Variants in SOX5 observed in about 807,000 individuals in gnomAD.
The protein encoded by SOX5 is transcription factor SOX-5.
In SOX5, 9 loss-of-function variants were observed where a neutral mutation model predicts 92.0. The observed-to-expected ratio is 0.10, with a 90% CI of 0.06 to 0.17. SOX5 has a LOEUF of 0.17. Ranked by LOEUF, SOX5 falls within the 10% of genes least tolerant of loss-of-function variation. The pLI is 1.00. For synonymous variants in SOX5, 344 were observed against 336.3 expected (o/e 1.02, Z -0.25); for missense variants, 642 against 944.5 (o/e 0.68, Z 4.20).
intron 3 of SOX5, among the ~76,000 whole-genome samples, chr12:23,835,511 T>G (rs2096399581): frequency 6.6e-6 from 1 of 151,814 alleles, no homozygotes; most frequent in Non-Finnish European, 1.5e-5. Context: ...TTTTCTAAAA[T>G]GAGTTTTTTC....
At chr12:24,170,418 A>T (rs1431066335) in intron 4 of SOX5, among the ~76,000 whole-genome samples, 1 of 152,194 alleles carries the variant, frequency 6.6e-6, no homozygotes, top group Non-Finnish European at 1.5e-5. Context: ...AGACAGGAGT[A>T]AGGGCAGAAG....
intron 2 of SOX5, among the ~76,000 whole-genome samples, chr12:24,317,078 G>A (rs1214240603): frequency 6.6e-6 from 1 of 152,176 alleles, no homozygotes; most frequent in Non-Finnish European, 1.5e-5. Context: ...ATGTGTCATG[G>A]AGGAACTCTG....
intron 11 of SOX5, among the ~76,000 whole-genome samples, chr12:23,549,890 G>A (rs552062158): frequency 1.4e-4 from 22 of 152,044 alleles, no homozygotes; most frequent in African/African-American, 4.3e-4. Flanking sequence ...AAACAAGATC[G>A]AAGTGAATTG....
intron 3 of SOX5, among the ~76,000 whole-genome samples, chr12:24,274,196 A>C (rs1020846222): frequency 6.6e-6 from 1 of 152,142 alleles, no homozygotes; most frequent in Non-Finnish European, 1.5e-5. Flanking sequence ...TTATTGTATC[A>C]ATTACTAAGA....
intron 4 of SOX5, among the ~76,000 whole-genome samples, chr12:23,974,706 T>C (rs991972182): frequency 2.6e-5 from 4 of 152,156 alleles, no homozygotes; most frequent in African/African-American, 7.2e-5. Context: ...AAGGGAAAAT[T>C]CATTTGTGGG....
intron 6 of SOX5, among the ~76,000 whole-genome samples, chr12:23,724,684 G>C (rs2093018859): frequency 6.6e-6 from 1 of 152,110 alleles, no homozygotes; most frequent in East Asian, 1.9e-4. Context: ...TTTTGGATTG[G>C]GCTGTCAGAG....
chr12:24,518,769 C>T (rs1950014566), intron 1 of SOX5, among the ~76,000 whole-genome samples: 1 of 152,170 alleles, frequency 6.6e-6, no homozygotes, highest in South Asian at 2.1e-4. Context: ...GAATGTTAAT[C>T]ATCTGTCAAT....
intron 2 of SOX5, among the ~76,000 whole-genome samples, chr12:23,854,517 A>G (rs1483466898): frequency 6.6e-6 from 1 of 152,126 alleles, no homozygotes; most frequent in Non-Finnish European, 1.5e-5. Flanking sequence ...CATCTAGAAA[A>G]TGGGATAAGT....
At chr12:23,741,826 GAAGTCATGGTAATCATTTA>G (rs2093808205) in intron 4 of SOX5, among the ~76,000 whole-genome samples, 1 of 152,132 alleles carries the variant, frequency 6.6e-6, no homozygotes, top group African/African-American at 2.4e-5. Context: ...AAAATTTGGA[GAAGTCATGGTAATCATTTA>G]AAACACATAT....
rs375628511 is a variant in SOX5, at chr12:24,368,019, G to C, written c.-174+544C>G. 3 of 152,198 alleles carry C rather than the reference G, an allele frequency of 2.0e-5. No individual in the cohort carries two copies. The East Asian group carries it at 5.8e-4, about 29-fold the overall frequency. 9.4% of individuals were successfully genotyped at this position (152,198 alleles called of 1,614,324 possible). A position where few individuals can be genotyped will look rare whatever the true frequency, so the allele number is the denominator to read the frequency against. ...AAAAAACTATTATAATTTTTATTAT[G>C]ACTCAAATAAAATACATATTTTGGC... On this transcript the variant is annotated intron_variant, in intron 2 of 4. Transcript: ENST00000446891.
intron 1 of SOX5, among the ~76,000 whole-genome samples, chr12:24,438,713 G>T (rs892267301): frequency 1.4e-4 from 22 of 152,210 alleles, no homozygotes; most frequent in African/African-American, 4.8e-4. Context: ...AATAGCAAGA[G>T]AACTAGAATT....
chr12:24,109,642 A>G (rs1167154291), intron 4 of SOX5, among the ~76,000 whole-genome samples: 1 of 152,210 alleles, frequency 6.6e-6, no homozygotes, highest in Non-Finnish European at 1.5e-5. Flanking sequence ...ATCATTACAC[A>G]GTAAAAATAG....
At chr12:23,994,720 A>G (rs113246202) in intron 4 of SOX5, among the ~76,000 whole-genome samples, 6 of 152,206 alleles carry the variant, frequency 3.9e-5, no homozygotes, top group African/African-American at 1.2e-4. Flanking sequence ...AAAATAATAA[A>G]ACTATTTTTC....
intron 4 of SOX5, among the ~76,000 whole-genome samples, chr12:24,203,948 A>T (rs1479615700): frequency 6.6e-6 from 1 of 152,182 alleles, no homozygotes; most frequent in East Asian, 1.9e-4. Flanking sequence ...CGTTTTGAGT[A>T]TGTGAAATAT....
chr12:24,525,740 C>T (rs1040823792), intron 1 of SOX5, among the ~76,000 whole-genome samples: 2 of 151,856 alleles, frequency 1.3e-5, no homozygotes, highest in East Asian at 1.9e-4. Flanking sequence ...GGCTTGGTGG[C>T]GGGCGCCTGT....
intron 13 of SOX5, among the ~76,000 whole-genome samples, chr12:23,537,410 T>A (rs1940783014): frequency 6.6e-6 from 1 of 152,178 alleles, no homozygotes; most frequent in Non-Finnish European, 1.5e-5. Context: ...TACAGATCTG[T>A]GACTCAAACT....
chr12:23,715,305 A>AAT (rs2140440978), intron 6 of SOX5, among the ~76,000 whole-genome samples: 1 of 152,080 alleles, frequency 6.6e-6, no homozygotes, highest in African/African-American at 2.4e-5. Context: ...AATAAAATAA[A>AAT]ATAAAATAAA....
chr12:24,414,731 C>T (rs962578511), intron 1 of SOX5, among the ~76,000 whole-genome samples: 2 of 152,226 alleles, frequency 1.3e-5, no homozygotes, highest in South Asian at 2.1e-4. Context: ...CTGAGTCCAA[C>T]TCTTTAACCA....
At chr12:23,554,901 T>C (rs1335675255) in intron 11 of SOX5, among the ~76,000 whole-genome samples, 1 of 152,160 alleles carries the variant, frequency 6.6e-6, no homozygotes, top group African/African-American at 2.4e-5. Context: ...TATTTCAGTG[T>C]CTTCATTGTA....
Sources: gnomAD v4.1 joint callset for allele counts (sites outside exome capture counted in the v4.1 genomes callset) on GRCh38, gnomAD v4.1.1 for gene constraint, MANE v1.5 for transcripts, NCBI Gene and HGNC (gene_info 2026-07-23, HGNC 2026-07-21) for gene names.